The following KCNH3 variants were observed in gnomAD, a reference collection of about 807,000 sequenced individuals.
KCNH3 encodes the protein voltage-gated inwardly rectifying potassium channel KCNH3.
In KCNH3, 36 loss-of-function variants were observed where a neutral mutation model predicts 95.6. The ratio of observed to expected loss-of-function variants is 0.38; its 90% CI spans 0.29 to 0.50. KCNH3 has a LOEUF of 0.50. KCNH3 is among the 20% of genes least tolerant of loss of function. The probability of loss-of-function intolerance (pLI) is 0.95; values close to 1 mark genes in which losing one functional copy is unlikely to be tolerated. For missense variants in KCNH3, 1,030 were observed against 1,484.1 expected (o/e 0.69, Z 5.03); for synonymous variants, 620 against 646.3 (o/e 0.96, Z 0.62).
chr12:49,548,425 G>A (rs12314878), intron 7 of KCNH3, among the ~76,000 whole-genome samples: 27,240 of 151,916 alleles, frequency 0.18, 3,362 homozygotes, highest in African/African-American at 0.36. Flanking sequence ...TGGCTGTGGG[G>A]ATGGATGAGA....
chr12:49,555,670 G>GGAGAAGGAGACA lies in KCNH3; in HGVS notation c.2190_2201dup (p.Glu730_Thr733dup), dbSNP rs764128369. ...ACAATACCCTTATGTCCACGCTGGA[G>GGAGAAGGAGACA]GAGAAGGAGACAGATGGGGAGCAGG... is the stretch of plus-strand genomic sequence containing the variant. On this transcript the variant is annotated inframe_insertion, in exon 12 of 15. Transcript: ENST00000257981. 1 of 1,598,530 alleles carries GGAGAAGGAGACA rather than the reference G, an allele frequency of 6.3e-7. No individual in the cohort carries two copies. The highest frequency in any genetic ancestry group is 8.5e-7 in the Non-Finnish European group (1 of 1,170,444).
chr12:49,543,528 C>T lies in KCNH3; in HGVS notation c.823+10C>T. The stretch of plus-strand genomic sequence containing the variant: ...GTCCTCTTCATCCTTGGTGCGTGCA[C>T]TCTGCCCCTTCCGCCCCACCCTTTG... On this transcript the variant is annotated intron_variant, in intron 5 of 14. Transcript: ENST00000257981. 1 of 1,586,730 alleles carries T rather than the reference C, an allele frequency of 6.3e-7. No individual in the cohort carries two copies.
At chr12:49,550,539 C>T (rs919720172) in intron 10 of KCNH3, among the ~76,000 whole-genome samples, 1 of 152,174 alleles carries the variant, frequency 6.6e-6, no homozygotes, top group Non-Finnish European at 1.5e-5. Flanking sequence ...CACGATCTCG[C>T]AGGTGTCCCT....
In KCNH3 at chr12:49,558,284, A is replaced by AG; in HGVS notation, c.*331_*332insG. ...TCCCCAAATTTTTATATTAAAAAAA[A>AG]AAAATAAAATAAACTACTTTGGAAC... On this transcript the variant is annotated 3_prime_UTR_variant, in exon 15 of 15. Transcript: ENST00000257981. 1 of 394,884 alleles carries AG rather than the reference A, an allele frequency of 2.5e-6. No individual in the cohort carries two copies. The highest frequency in any genetic ancestry group is 4.4e-6 in the Non-Finnish European group (1 of 224,874). The allele number at this position is 394,884 out of a possible 1,614,324, so 24.5% of individuals were successfully genotyped here. A position where few individuals can be genotyped will look rare whatever the true frequency, so the allele number is the denominator to read the frequency against.
In KCNH3 at chr12:49,558,284, A is replaced by AT. The variant is rs1293360940; in HGVS notation, c.*331_*332insT. 2.5e-4 allele frequency: 97 copies of AT among 394,886 alleles called. 1 individual carries two copies. Among genetic ancestry groups the AT allele is most frequent in the Admixed American group, 1.1e-3 (25 of 23,312 alleles). 24.5% of individuals were successfully genotyped at this position (394,886 alleles called of 1,614,324 possible). A position where few individuals can be genotyped will look rare whatever the true frequency, so the allele number is the denominator to read the frequency against. On this transcript the variant is annotated 3_prime_UTR_variant, in exon 15 of 15. Transcript: ENST00000257981. ...TCCCCAAATTTTTATATTAAAAAAA[A>AT]AAAATAAAATAAACTACTTTGGAAC...
Position 49,540,904 on chromosome 12 carries a change from A to C in KCNH3, c.82A>C (p.Asn28His), listed in dbSNP as rs1714879217. The C allele has an allele frequency of 6.2e-7, 1 of 1,613,824 alleles. No homozygotes were observed. The highest frequency in any genetic ancestry group is 1.3e-5 in the African/African-American group (1 of 74,928). Residue 28 changes from asparagine (N) to histidine (H), a missense_variant, in exon 2 of 15, where the codon AAC (asparagine) becomes CAC (histidine). By Grantham distance (68) the Asn-to-His change is moderately conservative (BLOSUM62 1). This residue lies in a region of KCNH3 where 9 missense variants were observed against 45.2 expected (regional missense o/e 0.20). Coordinates refer to ENST00000257981, the MANE Select transcript of KCNH3 (RefSeq NM_012284.3). Reference protein sequence around the residue: ...IATRFDGTHSNFVLGNAQVAG... With the variant: ...IATRFDGTHSHFVLGNAQVAG... ...TGAGAAGTGCTCTCTTGCAGACAGTAACTTCGTGCTGGGCAACGCCCAGGT... is the reference window on the plus strand; with the variant it reads ...TGAGAAGTGCTCTCTTGCAGACAGTCACTTCGTGCTGGGCAACGCCCAGGT...
chr12:49,548,413 T>G (rs1263026785), intron 7 of KCNH3, among the ~76,000 whole-genome samples: 1 of 151,740 alleles, frequency 6.6e-6, no homozygotes, highest in Non-Finnish European at 1.5e-5. Context: ...GAGTGGTTTG[T>G]GTGGCTGTGG....
chr12:49,541,515 A>C, intron 2 of KCNH3, 115 bp from the exon 3 acceptor site: 1 of 1,277,494 alleles, frequency 7.8e-7, no homozygotes, highest in Non-Finnish European at 1.1e-6. Flanking sequence ...CCCTTCCCCC[A>C]GGAAACCGCT....
intron 7 of KCNH3, among the ~76,000 whole-genome samples, chr12:49,548,094 ACG>A (rs1491349651): frequency 1.8e-4 from 19 of 108,424 alleles, no homozygotes; most frequent in African/African-American, 9.8e-4. Context: ...GCCTGTGACT[ACG>A]TGTGTGTGTG....
At chr12:49,543,819 G>A in intron 5 of KCNH3, 96 bp from the exon 6 acceptor site, 1 of 1,473,670 alleles carries the variant, frequency 6.8e-7, no homozygotes, top group Non-Finnish European at 9.3e-7. Flanking sequence ...GGAAGGGCCG[G>A]GGACAGTGTC....
Position 49,557,408 on chromosome 12 carries a change from C to T in KCNH3, c.2707C>T (p.Arg903Cys), listed in dbSNP as rs148404630. The change falls in exon 15 of 15, where the codon CGC (arginine) becomes TGC (cysteine). Residue 903 changes from arginine (R) to cysteine (C), a missense_variant. Arg to Cys is a radical substitution (Grantham distance 180). Transcript: ENST00000257981. ...LQMREGLQSL[R>C]QAVQLVLAPH... ...GATGCGGGAAGGACTGCAGTCACTT[C>T]GCCAGGCTGTGCAGCTTGTCCTGGC... The T allele has an allele frequency of 4.4e-6, 7 of 1,600,770 alleles. No homozygotes were observed. The highest frequency in any genetic ancestry group is 2.7e-5 in the African/African-American group (2 of 74,764).
rs1048291670 is a variant in KCNH3, at chr12:49,558,048, C to T, written c.*95C>T. 7.4e-6 allele frequency: 10 copies of T among 1,351,908 alleles called. No homozygotes were observed. The South Asian group carries it at 1.5e-4, about 21-fold the overall frequency. 83.7% of individuals were successfully genotyped at this position (1,351,908 alleles called of 1,614,324 possible). A position where few individuals can be genotyped will look rare whatever the true frequency, so the allele number is the denominator to read the frequency against. On this transcript the variant is annotated 3_prime_UTR_variant, in exon 15 of 15. Transcript: ENST00000257981. ...GGCAGGGTGGCAGCCTCCCCACGGA[C>T]TCCATGCGGCCCGCTGGCTCAGGGC... is the stretch of plus-strand genomic sequence containing the variant.
chr12:49,550,725 A>G (rs2278069), intron 10 of KCNH3, among the ~76,000 whole-genome samples: 31,226 of 152,106 alleles, frequency 0.21, 4,940 homozygotes, highest in African/African-American at 0.45. Context: ...CCCCAGGAAC[A>G]GTGAGATGTG....
chr12:49,553,610 A>G (rs1208638426), intron 10 of KCNH3, among the ~76,000 whole-genome samples: 2 of 152,154 alleles, frequency 1.3e-5, no homozygotes, highest in South Asian at 2.1e-4. Flanking sequence ...ACCCTACCCA[A>G]TCTAACATCT....
intron 2 of KCNH3, 47 bp downstream of exon 2, chr12:49,541,179 A>G: frequency 2.8e-6 from 4 of 1,418,356 alleles, no homozygotes; most frequent in Non-Finnish European, 1.9e-6. Context: ...AGTCTCACCC[A>G]GCCTGGCACC....
chr12:49,543,607 A>G, intron 5 of KCNH3, 89 bp downstream of exon 5: 2 of 1,499,460 alleles, frequency 1.3e-6, no homozygotes, highest in Admixed American at 1.9e-5. Flanking sequence ...AGGGTGCTAC[A>G]GTGCCCCCCT....
rs1937992746 is a variant in KCNH3, at chr12:49,544,496, A to C, written c.1189+114A>C. ...TACCTGTGCAAGTCTGCACGTGTGC[A>C]AATCAGAGAAGAGGGTGTGCAGGTG... On this transcript the variant is annotated intron_variant, in intron 7 of 14. Transcript: ENST00000257981. The C allele has an allele frequency of 4.8e-6, 5 of 1,033,054 alleles. No homozygotes were observed. The South Asian group carries it at 7.3e-5, about 15-fold the overall frequency. The allele number at this position is 1,033,054 out of a possible 1,614,324, so 64.0% of individuals were successfully genotyped here.
At chr12:49,549,349 T>A in intron 8 of KCNH3, 92 bp from the exon 9 acceptor site, 1 of 1,522,694 alleles carries the variant, frequency 6.6e-7, no homozygotes. Context: ...AGGCCTTGCC[T>A]AGGAGCGTGC....
chr12:49,550,043 T>TGGCCCCCCCCC, intron 9 of KCNH3, 37 bp from the exon 10 acceptor site: 1 of 1,299,542 alleles, frequency 7.7e-7, no homozygotes, highest in Non-Finnish European at 1.1e-6. Context: ...CTTCTGCCAC[T>TGGCCCCCCCCC]CCCAACCCCC....
Sources: gnomAD v4.1 joint callset for allele counts (sites outside exome capture counted in the v4.1 genomes callset) on GRCh38, gnomAD v4.1.1 for gene constraint, gnomAD v4.1.1 regional missense constraint, MANE v1.5 for transcripts, NCBI Gene and HGNC (gene_info 2026-07-23, HGNC 2026-07-21) for gene names.